Variants in RSPH4A observed in about 807,000 individuals in gnomAD.
The protein encoded by RSPH4A is radial spoke head component 4A, also known as radial spoke head protein 4 homolog A.
RSPH4A carries 47 observed loss-of-function variants against 71.0 expected under a neutral mutation model. The ratio of observed to expected loss-of-function variants is 0.66; its 90% CI spans 0.52 to 0.84. The LOEUF (loss-of-function observed/expected upper bound fraction) is 0.84, where lower values mean the gene tolerates loss of function less well. Ranked by LOEUF, RSPH4A falls within the 40% of genes least tolerant of loss-of-function variation. RSPH4A has a pLI of 0.00. For synonymous variants in RSPH4A, 282 were observed against 302.3 expected (o/e 0.93, Z 0.70); for missense variants, 793 against 855.2 (o/e 0.93, Z 0.91).
At chr6:116,629,322 G>A (rs372917117) in intron 3 of RSPH4A, among the ~76,000 whole-genome samples, 4 of 152,010 alleles carry the variant, frequency 2.6e-5, no homozygotes, top group African/African-American at 7.3e-5. Context: ...TAAAATATAA[G>A]TGATAATTTA....
Position 116,617,018 on chromosome 6 carries a change from C to A in RSPH4A, c.395C>A (p.Ser132Tyr), listed in dbSNP as rs763188022. The change falls in exon 1 of 6, where the codon TCT (serine) becomes TAT (tyrosine). Residue 132 changes from serine to tyrosine, a missense_variant. Physicochemically the swap from Ser to Tyr is moderately radical, Grantham distance 144. Coordinates refer to ENST00000229554, the MANE Select transcript of RSPH4A (RefSeq NM_001010892.3). ...TATCCTGATCCTTTGGAACAATCAT[C>A]TGATAAAAGAGAATCAACTCCTCAT... is the stretch of plus-strand genomic sequence containing the variant. Reference protein sequence around the residue: ...TPYPDPLEQSSDKRESTPHHT... With the variant: ...TPYPDPLEQSYDKRESTPHHT... 1 of 1,614,228 alleles carries A rather than the reference C, an allele frequency of 6.2e-7. No individual in the cohort carries two copies. The highest frequency in any genetic ancestry group is 8.5e-7 in the Non-Finnish European group (1 of 1,180,046).
chr6:116,629,324 G>A (rs908940545), intron 3 of RSPH4A, among the ~76,000 whole-genome samples: 14 of 152,030 alleles, frequency 9.2e-5, no homozygotes, highest in Non-Finnish European at 1.8e-4. Flanking sequence ...AAATATAAGT[G>A]ATAATTTAAA....
chr6:116,632,168 A>G (rs759725881), intron 5 of RSPH4A, 39 bp from the exon 6 acceptor site: 1 of 1,458,468 alleles, frequency 6.9e-7, no homozygotes, highest in Admixed American at 1.9e-5. Context: ...GAGAAATTAT[A>G]TAATGATCTT....
chr6:116,619,970 C>T (rs1238740564), intron 1 of RSPH4A, among the ~76,000 whole-genome samples: 5 of 152,162 alleles, frequency 3.3e-5, no homozygotes, highest in East Asian at 1.9e-4. Flanking sequence ...CTGCCTGCCT[C>T]GGCCTCCCAA....
chr6:116,617,433 A>G (rs1438918789), intron 1 of RSPH4A, 124 bp downstream of exon 1: 1 of 700,360 alleles, frequency 1.4e-6, no homozygotes, highest in African/African-American at 1.8e-5. Context: ...TTAGTAAAAG[A>G]GAGTTAATGA....
intron 1 of RSPH4A, among the ~76,000 whole-genome samples, chr6:116,617,953 A>G (rs1775538796): frequency 6.7e-6 from 1 of 149,776 alleles, no homozygotes; most frequent in African/African-American, 2.4e-5. Flanking sequence ...AACTTATGAC[A>G]TGTATAGATT....
Position 116,632,544 on chromosome 6 carries a change from CAT to C in RSPH4A, c.*104_*105del, listed in dbSNP as rs1562394111. The C allele has an allele frequency of 2.2e-6, 3 of 1,375,788 alleles. No individual in the cohort carries two copies. The highest frequency in any genetic ancestry group is 2.9e-6 in the Non-Finnish European group (3 of 1,017,858). The allele number at this position is 1,375,788 out of a possible 1,614,324, so 85.2% of individuals were successfully genotyped here. On this transcript the variant is annotated 3_prime_UTR_variant, in exon 6 of 6. Transcript: ENST00000229554. ...TGTGTTATGTGTGTATATACATACA[CAT>C]GTAAGAAATTATTCAACTGCAAAAT...
In RSPH4A at chr6:116,622,905, A is replaced by G. The variant is rs760317601; in HGVS notation, c.824A>G (p.Asn275Ser). 2 of 1,613,906 alleles carry G rather than the reference A, an allele frequency of 1.2e-6. No individual in the cohort carries two copies. Among genetic ancestry groups the G allele is most frequent in the East Asian group, 2.2e-5 (1 of 44,860 alleles). Residue 275 changes from asparagine (N) to serine (S), a missense_variant, in exon 2 of 6, where the codon AAT becomes AGT. Physicochemically the swap from Asn to Ser is conservative, Grantham distance 46 (BLOSUM62 1). Transcript: ENST00000229554. ...AAATTTGATGCACTACAAAATGAGA[A>G]TGAGTTGCTTCCAACATATGAAATA... ...SKKFDALQNE[N>S]ELLPTYEIAE...
rs746982967 is a variant in RSPH4A at position 116,627,960 on chromosome 6, C to T, written c.1253C>T (p.Pro418Leu). ...TTTTACAAGGCCCCACAGGCTATAC[C>T]AAAAGAAGAAAGTAGAACAGGTGCC... ...KSFYKAPQAI[P>L]KEESRTGANK... Residue 418 changes from proline to leucine, a missense_variant, in exon 3 of 6, where the codon CCA (proline) becomes CTA (leucine). Physicochemically the swap from Pro to Leu is moderately conservative, Grantham distance 98. Transcript: ENST00000229554. 6 of 1,613,960 alleles carry T rather than the reference C, an allele frequency of 3.7e-6. No homozygotes were observed. The highest frequency in any genetic ancestry group is 4.2e-6 in the Non-Finnish European group (5 of 1,180,004).
chr6:116,625,974 G>C (rs928363490), intron 2 of RSPH4A, among the ~76,000 whole-genome samples: 1 of 152,168 alleles, frequency 6.6e-6, no homozygotes, highest in African/African-American at 2.4e-5. Flanking sequence ...GTGGTGTGGA[G>C]AACTCTTCCA....
Position 116,630,432 on chromosome 6 carries a change from C to T in RSPH4A, c.1799-3C>T. Reference sequence around the variant, plus strand: ...AGCTTTTGCATTTCTCTTTGGGTTCCAGAGATTCAGAATATACCCCCCTGG... The same window carrying T: ...AGCTTTTGCATTTCTCTTTGGGTTCTAGAGATTCAGAATATACCCCCCTGG... On this transcript the variant is annotated splice_polypyrimidine_tract_variant and splice_region_variant and intron_variant, in intron 4 of 5. Transcript: ENST00000229554. The T allele has an allele frequency of 6.6e-7, 1 of 1,511,776 alleles. No individual in the cohort carries two copies. Among genetic ancestry groups the T allele is most frequent in the Non-Finnish European group, 9.2e-7 (1 of 1,086,984 alleles). The allele number at this position is 1,511,776 out of a possible 1,614,324, so 93.6% of individuals were successfully genotyped here.
At chr6:116,625,250 A>G (rs1437354019) in intron 2 of RSPH4A, among the ~76,000 whole-genome samples, 6 of 152,212 alleles carry the variant, frequency 3.9e-5, no homozygotes, top group Non-Finnish European at 8.8e-5. Flanking sequence ...TAGTGGAGGT[A>G]ATATTTCATT....
At chr6:116,624,068 G>A (rs899837309) in intron 2 of RSPH4A, among the ~76,000 whole-genome samples, 3 of 152,144 alleles carry the variant, frequency 2.0e-5, no homozygotes, top group Non-Finnish European at 4.4e-5. Flanking sequence ...TATTTAAGAT[G>A]TGTCTATATG....
At chr6:116,630,657 T>C (rs1320390879) in intron 5 of RSPH4A, 105 bp downstream of exon 5, 1 of 621,594 alleles carries the variant, frequency 1.6e-6, no homozygotes. Context: ...TCTTTGGTTT[T>C]TTTTTTCGTG....
At chr6:116,628,977 G>T (rs1775746553) in intron 3 of RSPH4A, among the ~76,000 whole-genome samples, 2 of 152,158 alleles carry the variant, frequency 1.3e-5, no homozygotes, top group Admixed American at 1.3e-4. Flanking sequence ...TTTAGGAAAT[G>T]TGACAAAAGG....
intron 1 of RSPH4A, among the ~76,000 whole-genome samples, chr6:116,617,653 T>G (rs1288737650): frequency 6.6e-6 from 1 of 152,086 alleles, no homozygotes. Context: ...AGGATGCTTG[T>G]GAAAAATAAT....
At chr6:116,629,434 G>A (rs376126322) in intron 3 of RSPH4A, 133 bp from the exon 4 acceptor site, 10 of 974,964 alleles carry the variant, frequency 1.0e-5, no homozygotes, top group African/African-American at 6.5e-5. Context: ...CTTGGAAAAT[G>A]TATGTAGAAT....
At position 116,628,046 on chromosome 6, in the gene RSPH4A, G is replaced by A. The variant is rs1775728409; in HGVS notation, c.1339G>A (p.Val447Ile). Residue 447 changes from valine to isoleucine, a missense_variant, in exon 3 of 6, where the codon GTT becomes ATT. Val to Ile is a conservative substitution (Grantham distance 29). Coordinates refer to ENST00000229554, the MANE Select transcript of RSPH4A (RefSeq NM_001010892.3). ...PGRPWVKLPPVIPAQIVIARK... is the reference protein window; with the variant it reads ...PGRPWVKLPPIIPAQIVIARK... Reference sequence around the variant, plus strand: ...AAGACCATGGGTGAAGTTACCACCAGTTATACCTGCACAAATTGTTATTGC... The same window carrying A: ...AAGACCATGGGTGAAGTTACCACCAATTATACCTGCACAAATTGTTATTGC... 1 of 1,614,102 alleles carries A rather than the reference G, an allele frequency of 6.2e-7. No homozygotes were observed. Among genetic ancestry groups the A allele is most frequent in the African/African-American group, 1.3e-5 (1 of 74,936 alleles).
At chr6:116,625,243 T>G (rs1775675970) in intron 2 of RSPH4A, among the ~76,000 whole-genome samples, 2 of 152,136 alleles carry the variant, frequency 1.3e-5, no homozygotes, top group Non-Finnish European at 2.9e-5. Flanking sequence ...GGCTTTTTAG[T>G]GGAGGTAATA....
Sources: gnomAD v4.1 joint callset for allele counts (sites outside exome capture counted in the v4.1 genomes callset) on GRCh38, gnomAD v4.1.1 for gene constraint, MANE v1.5 for transcripts, NCBI Gene and HGNC (gene_info 2026-07-23, HGNC 2026-07-21) for gene names.